Variants in PKP4 observed in about 807,000 individuals in gnomAD.
The protein encoded by PKP4 is plakophilin-4.
In PKP4, 90 loss-of-function variants were observed where a neutral mutation model predicts 145.1. That is an observed-to-expected ratio of 0.62 (90% CI 0.52 to 0.74). The LOEUF is 0.74. Among genes scored for constraint, PKP4 ranks in the 30% least tolerant of loss-of-function variants. The pLI is 0.00. For synonymous variants in PKP4, 563 were observed against 577.2 expected (o/e 0.98, Z 0.35); for missense variants, 1,340 against 1,482.7 (o/e 0.90, Z 1.58).
intron 2 of PKP4, among the ~76,000 whole-genome samples, chr2:158,565,849 G>A (rs563831813): frequency 1.3e-5 from 2 of 152,196 alleles, no homozygotes; most frequent in Admixed American, 6.5e-5. Context: ...AGAAGCCCAC[G>A]ATAATTTCTG....
At chr2:158,472,851 T>C (rs552642104) in intron 1 of PKP4, among the ~76,000 whole-genome samples, 2 of 152,208 alleles carry the variant, frequency 1.3e-5, no homozygotes, top group South Asian at 2.1e-4. Flanking sequence ...TGTTAAAATA[T>C]ATCCATTTAC....
intron 7 of PKP4, among the ~76,000 whole-genome samples, chr2:158,629,236 G>C (rs1379777200): frequency 6.6e-6 from 1 of 152,088 alleles, no homozygotes; most frequent in Non-Finnish European, 1.5e-5. Context: ...TCTTTAACCT[G>C]GTGTTTGTGG....
intron 11 of PKP4, among the ~76,000 whole-genome samples, chr2:158,651,126 C>A (rs1422860038): frequency 6.6e-6 from 1 of 152,168 alleles, no homozygotes; most frequent in Non-Finnish European, 1.5e-5. Context: ...ATTGTTTTCC[C>A]ACTATTTCAG....
In PKP4 at chr2:158,614,229, A is replaced by G. The variant is rs530486223; in HGVS notation, c.281-6761A>G. On this transcript the variant is annotated intron_variant, in intron 4 of 21. Coordinates refer to ENST00000389759, the MANE Select transcript of PKP4 (RefSeq NM_003628.6). ...TGAACTTCTACAACAAAGGAAAAAG[A>G]TAATGGAAAAAAGTATGCATAAAGT... Among the ~76,000 whole-genome samples the G allele has an allele frequency of 3.3e-5, 5 of 152,370 alleles. No homozygotes were observed. In the South Asian group the frequency reaches 1.0e-3, roughly 32 times the overall value.
intron 3 of PKP4, among the ~76,000 whole-genome samples, chr2:158,583,123 T>C (rs2105797784): frequency 6.6e-6 from 1 of 152,338 alleles, no homozygotes; most frequent in South Asian, 2.1e-4. Context: ...AAGTCTCATG[T>C]CTCCCACGGG....
At position 158,537,578 on chromosome 2, in the gene PKP4, A is replaced by G. The variant is rs1230216901; in HGVS notation, c.132+4262A>G. Among the ~76,000 whole-genome samples, 4 of 152,366 alleles carry G rather than the reference A, an allele frequency of 2.6e-5. No homozygotes were observed. In the East Asian group the frequency reaches 7.7e-4, roughly 29 times the overall value. ...CTGGCTGTAATTAGGATCATCCTTT[A>G]GCAGATTCTACTGTTCAGCTCAACT... On this transcript the variant is annotated intron_variant, in intron 2 of 21. Transcript: ENST00000389759.
At chr2:158,509,587 TCTG>T (rs1450466180) in intron 1 of PKP4, among the ~76,000 whole-genome samples, 2 of 152,186 alleles carry the variant, frequency 1.3e-5, no homozygotes, top group Admixed American at 1.3e-4. Context: ...GAATTATAGC[TCTG>T]ATTTATAGGG....
intron 3 of PKP4, among the ~76,000 whole-genome samples, chr2:158,582,637 AAGTGGTTTCT>A (rs2048427964): frequency 1.3e-5 from 2 of 152,204 alleles, no homozygotes; most frequent in Non-Finnish European, 2.9e-5. Flanking sequence ...GCTGAGGCTT[AAGTGGTTTCT>A]CCCGTGTGTC....
chr2:158,461,807 A>G (rs940379903), intron 1 of PKP4, among the ~76,000 whole-genome samples: 1 of 152,138 alleles, frequency 6.6e-6, no homozygotes, highest in African/African-American at 2.4e-5. Flanking sequence ...CTGTGCCCCT[A>G]CACTGCCCCC....
Position 158,680,848 on chromosome 2 carries a change from T to A in PKP4, c.*171T>A, listed in dbSNP as rs887897155. ...ATTATCAGGGAAGTGAGGAAATGTT[T>A]GGGAGAGGACTTTCTAAGCTCTATT... On this transcript the variant is annotated 3_prime_UTR_variant, in exon 22 of 22. Transcript: ENST00000389759. 8.1e-6 allele frequency: 5 copies of A among 617,278 alleles called. No individual in the cohort carries two copies. Among genetic ancestry groups the A allele is most frequent in the Non-Finnish European group, 1.4e-5 (5 of 361,802 alleles). The allele number at this position is 617,278 out of a possible 1,614,324, so 38.2% of individuals were successfully genotyped here.
intron 7 of PKP4, among the ~76,000 whole-genome samples, chr2:158,631,230 G>A (rs1017063464): frequency 7.3e-5 from 11 of 151,500 alleles, no homozygotes; most frequent in Non-Finnish European, 1.3e-4. Flanking sequence ...GTGAACCACC[G>A]CGCCCGGCAG....
At chr2:158,476,404 C>T (rs1369539308) in intron 1 of PKP4, among the ~76,000 whole-genome samples, 4 of 152,094 alleles carry the variant, frequency 2.6e-5, no homozygotes, top group Admixed American at 2.6e-4. Context: ...GAGTATAGCT[C>T]ACTGCAACCT....
chr2:158,672,147 G>A (rs879875626), intron 17 of PKP4, among the ~76,000 whole-genome samples: 1 of 152,190 alleles, frequency 6.6e-6, no homozygotes, highest in South Asian at 2.1e-4. Flanking sequence ...TACTGACTTA[G>A]AGCAGCAGCT....
rs1365556783 is a variant in PKP4 at position 158,625,120 on chromosome 2, A to G, written c.846A>G (p.Pro282=). 6.2e-7 allele frequency: 1 copy of G among 1,614,070 alleles called. No individual in the cohort carries two copies. Among genetic ancestry groups the G allele is most frequent in the East Asian group, 2.2e-5 (1 of 44,866 alleles). Residue 282 remains proline, a synonymous_variant, in exon 7 of 22, where the codon CCA becomes CCG. Coordinates refer to ENST00000389759, the MANE Select transcript of PKP4 (RefSeq NM_003628.6). ...CGTACTCACAGAGACCCGCCTCCCC[A>G]ACAGCTATACGGCGGATTGGGTCAG... ...ASPYSQRPAS[P]TAIRRIGSVT... is the part of the protein sequence containing the mutation.
intron 3 of PKP4, among the ~76,000 whole-genome samples, chr2:158,598,310 G>A (rs1471213286): frequency 1.3e-5 from 2 of 152,164 alleles, no homozygotes; most frequent in African/African-American, 4.8e-5. Context: ...GAAAGAAGGT[G>A]AGGGAAATGG....
At chr2:158,463,611 G>A (rs1031300123) in intron 1 of PKP4, among the ~76,000 whole-genome samples, 6 of 152,084 alleles carry the variant, frequency 3.9e-5, no homozygotes, top group Non-Finnish European at 7.4e-5. Context: ...TGTAACTCTC[G>A]TGGGCTTTAG....
chr2:158,573,569 T>C (rs1172566396), intron 2 of PKP4, among the ~76,000 whole-genome samples: 1 of 152,086 alleles, frequency 6.6e-6, no homozygotes, highest in East Asian at 1.9e-4. Flanking sequence ...GTTTATTGTG[T>C]TATTGTCTAT....
chr2:158,491,190 T>G (rs1694883634), intron 1 of PKP4, among the ~76,000 whole-genome samples: 1 of 152,146 alleles, frequency 6.6e-6, no homozygotes, highest in Non-Finnish European at 1.5e-5. Flanking sequence ...GTTATTTAGA[T>G]TGCATTCACC....
chr2:158,551,050 A>G (rs774362420), intron 2 of PKP4, among the ~76,000 whole-genome samples: 3 of 152,248 alleles, frequency 2.0e-5, no homozygotes, highest in Non-Finnish European at 2.9e-5. Context: ...TTTTACAAAT[A>G]CAGTTACTTA....
Sources: gnomAD v4.1 joint callset for allele counts (sites outside exome capture counted in the v4.1 genomes callset) on GRCh38, gnomAD v4.1.1 for gene constraint, MANE v1.5 for transcripts, NCBI Gene and HGNC (gene_info 2026-07-23, HGNC 2026-07-21) for gene names.